Variants in CNTNAP2 observed in about 807,000 individuals in gnomAD.
CNTNAP2 encodes contactin associated protein 2.
A neutral mutation model predicts 155.2 loss-of-function variants in CNTNAP2; 98 were observed. The ratio of observed to expected loss-of-function variants is 0.63; its 90% confidence interval spans 0.54 to 0.75. The LOEUF (loss-of-function observed/expected upper bound fraction) is 0.75, where lower values mean the gene tolerates loss of function less well. CNTNAP2 is among the 30% of genes least tolerant of loss of function. The pLI is 0.00. For missense variants in CNTNAP2, 1,727 were observed against 1,688.1 expected (o/e 1.02, Z -0.40); for synonymous variants, 651 against 631.2 (o/e 1.03, Z -0.47).
chr7:148,190,485 T>C (rs1275120988), intron 18 of CNTNAP2: 1 of 152,238 alleles, frequency 6.6e-6, no homozygotes, highest in East Asian at 1.9e-4. Context: ...TCTCCAAGTA[T>C]TATCTTTGTT....
chr7:147,910,106 G>C (rs1207175807), intron 14 of CNTNAP2, among the ~76,000 whole-genome samples: 1 of 152,032 alleles, frequency 6.6e-6, no homozygotes. Flanking sequence ...TATTTATTTG[G>C]TTGGGTCAGC....
At chr7:147,712,405 GA>G (rs1406665871) in intron 13 of CNTNAP2, among the ~76,000 whole-genome samples, 3 of 152,092 alleles carry the variant, frequency 2.0e-5, no homozygotes, top group African/African-American at 7.2e-5. Flanking sequence ...GACATATACC[GA>G]AAGGATTATA....
At chr7:148,229,074 C>T (rs1795911587) in intron 19 of CNTNAP2, among the ~76,000 whole-genome samples, 1 of 152,182 alleles carries the variant, frequency 6.6e-6, no homozygotes, top group African/African-American at 2.4e-5. Flanking sequence ...GCATCTTCAA[C>T]TTTGAGACGA....
At chr7:146,125,738 G>T (rs1797626726) in intron 1 of CNTNAP2, among the ~76,000 whole-genome samples, 1 of 151,868 alleles carries the variant, frequency 6.6e-6, no homozygotes, top group Non-Finnish European at 1.5e-5. Context: ...CAATATTCTA[G>T]ATACTGAGGG....
At chr7:146,688,157 T>C (rs1258080425) in intron 1 of CNTNAP2, among the ~76,000 whole-genome samples, 1 of 152,122 alleles carries the variant, frequency 6.6e-6, no homozygotes, top group East Asian at 1.9e-4. Flanking sequence ...CATGAAGTGA[T>C]TCATTTATAA....
intron 11 of CNTNAP2, among the ~76,000 whole-genome samples, chr7:147,513,698 C>T (rs1799060828): frequency 6.6e-6 from 1 of 152,268 alleles, no homozygotes. Flanking sequence ...AGCTGCTCAT[C>T]TGTGCCTGCC....
intron 9 of CNTNAP2, among the ~76,000 whole-genome samples, chr7:147,377,634 G>T (rs745597877): frequency 6.0e-4 from 91 of 150,904 alleles, no homozygotes; most frequent in Non-Finnish European, 1.2e-3. Context: ...TTCATTTTTT[G>T]TTTTTCTGAA....
At chr7:147,058,700 G>A (rs113772790) in intron 4 of CNTNAP2, among the ~76,000 whole-genome samples, 42 of 151,270 alleles carry the variant, frequency 2.8e-4, no homozygotes, top group African/African-American at 6.3e-4. Context: ...TCTGCCTCCC[G>A]GGTTCAAGTG....
At chr7:147,474,364 T>C (rs7785288) in intron 10 of CNTNAP2, among the ~76,000 whole-genome samples, 118,465 of 152,006 alleles carry the variant, frequency 0.78, 46,527 homozygotes, top group African/African-American at 0.87. Flanking sequence ...GAGGCCAAGG[T>C]GGGCAGATCA....
intron 14 of CNTNAP2, among the ~76,000 whole-genome samples, chr7:147,953,081 T>C (rs1800962432): frequency 6.6e-6 from 1 of 152,232 alleles, no homozygotes; most frequent in Non-Finnish European, 1.5e-5. Context: ...TGAATGGTCA[T>C]GTATAGTGTA....
chr7:147,202,137 G>A (rs990312826), intron 8 of CNTNAP2, among the ~76,000 whole-genome samples: 5 of 150,854 alleles, frequency 3.3e-5, no homozygotes, highest in African/African-American at 9.8e-5. Flanking sequence ...AAATAGTAAA[G>A]ATAAAAGTAG....
At chr7:147,123,055 C>A (rs908872666) in intron 6 of CNTNAP2, 1 of 151,828 alleles carries the variant, frequency 6.6e-6, no homozygotes, top group Non-Finnish European at 1.5e-5. Context: ...GCTATATAAA[C>A]ACTGATGGAG....
chr7:148,165,423 A>G (rs1805635906), intron 17 of CNTNAP2, among the ~76,000 whole-genome samples: 1 of 152,198 alleles, frequency 6.6e-6, no homozygotes, highest in Admixed American at 6.5e-5. Context: ...AGTTCAGTCC[A>G]TAGCACTCCT....
intron 1 of CNTNAP2, among the ~76,000 whole-genome samples, chr7:146,532,227 CT>C (rs1350872182): frequency 6.6e-6 from 1 of 151,916 alleles, no homozygotes; most frequent in South Asian, 2.1e-4. Context: ...GTAATTTAGG[CT>C]TTTTTTGCAT....
intron 8 of CNTNAP2, among the ~76,000 whole-genome samples, chr7:147,288,126 T>G (rs1230839867): frequency 1.3e-5 from 2 of 152,198 alleles, no homozygotes; most frequent in African/African-American, 4.8e-5. Flanking sequence ...GGCTGACCTC[T>G]TGTTGTCCTT....
intron 12 of CNTNAP2, among the ~76,000 whole-genome samples, chr7:147,617,469 C>T (rs1302216707): frequency 6.6e-6 from 1 of 152,098 alleles, no homozygotes; most frequent in Non-Finnish European, 1.5e-5. Context: ...CAACTTATGA[C>T]ATTTTTTATG....
chr7:147,341,814 A>T (rs1197809074), intron 9 of CNTNAP2, among the ~76,000 whole-genome samples: 1 of 151,838 alleles, frequency 6.6e-6, no homozygotes, highest in Non-Finnish European at 1.5e-5. Context: ...ATGCTACAAC[A>T]CATCTAAATA....
chr7:146,395,779 T>TAGATGATAGAGA (rs11462122), intron 1 of CNTNAP2, among the ~76,000 whole-genome samples: 10,505 of 121,410 alleles, frequency 0.087, 566 homozygotes, highest in Middle Eastern at 0.1. Context: ...GATAGACAGA[T>TAGATGATAGAGA]GATAGATAGA....
At chr7:148,293,783 C>A (rs1797233728) in intron 21 of CNTNAP2, among the ~76,000 whole-genome samples, 1 of 152,092 alleles carries the variant, frequency 6.6e-6, no homozygotes, top group South Asian at 2.1e-4. Flanking sequence ...ATCTGTAATC[C>A]CAGCACTTTG....
Sources: gnomAD v4.1 joint callset for allele counts (sites outside exome capture counted in the v4.1 genomes callset) on GRCh38, gnomAD v4.1.1 for gene constraint, MANE v1.5 for transcripts, NCBI Gene and HGNC (gene_info 2026-07-23, HGNC 2026-07-21) for gene names.